CTNNA3: variants seen among roughly 807,000 people sequenced by gnomAD.
CTNNA3 encodes the protein catenin alpha-3.
Under a neutral mutation model 95.7 loss-of-function variants are expected in CTNNA3, and 76 were observed. The observed-to-expected ratio is 0.79, with a 90% confidence interval of 0.66 to 0.96. The LOEUF (loss-of-function observed/expected upper bound fraction) is 0.96, where lower values mean the gene tolerates loss of function less well. CTNNA3 is among the 40% of genes least tolerant of loss of function. CTNNA3 has a pLI of 0.00. For missense variants in CTNNA3, 1,191 were observed against 1,089.8 expected, an observed-to-expected ratio of 1.09 and a Z score of -1.31; for synonymous variants, 431 against 374.4, an observed-to-expected ratio of 1.15 and a Z score of -1.74.
intron 7 of CTNNA3, among the ~76,000 whole-genome samples, chr10:66,978,552 A>AAATAAAAAAAAAATATATATATAT: frequency 1.1e-4 from 4 of 37,868 alleles, no homozygotes; most frequent in Admixed American, 4.9e-4. Flanking sequence ...AAAAAAAAAA[A>AAATAAAAAAAAAATATATATATAT]ATATATATAT....
intron 15 of CTNNA3, among the ~76,000 whole-genome samples, chr10:66,020,358 G>A (rs1751237066): frequency 6.6e-6 from 1 of 152,098 alleles, no homozygotes; most frequent in Admixed American, 6.5e-5. Context: ...TTGCACTCTG[G>A]GAAAAGACTG....
chr10:67,034,062 G>A lies in CTNNA3; in HGVS notation c.1047+146255C>T, dbSNP rs1010681140. 1.9e-4 allele frequency among the ~76,000 whole-genome samples: 29 copies of A among 152,194 alleles called. No homozygotes were observed. The Middle Eastern group carries it at 0.01, about 54-fold the overall frequency. On this transcript the variant is annotated intron_variant, in intron 7 of 17. Coordinates refer to ENST00000433211, the MANE Select transcript of CTNNA3 (RefSeq NM_013266.4). ...GCTGAGACTACAGGCGTGAGCCACC[G>A]CGCCCGGCCTATACTGCTTCTTAAA... is the stretch of plus-strand genomic sequence containing the variant.
At chr10:67,039,744 A>G (rs1854280850) in intron 7 of CTNNA3, among the ~76,000 whole-genome samples, 1 of 152,136 alleles carries the variant, frequency 6.6e-6, no homozygotes, top group Non-Finnish European at 1.5e-5. Context: ...AAATCGAAAC[A>G]AGCAAGTAGA....
intron 5 of CTNNA3, among the ~76,000 whole-genome samples, chr10:67,298,404 T>G (rs1177822542): frequency 6.6e-6 from 1 of 152,254 alleles, no homozygotes; most frequent in East Asian, 1.9e-4. Flanking sequence ...TAGAATAACC[T>G]GCTTTAGTGT....
At chr10:67,442,160 T>C (rs1846544404) in intron 5 of CTNNA3, among the ~76,000 whole-genome samples, 1 of 152,022 alleles carries the variant, frequency 6.6e-6, no homozygotes. Context: ...CAGTGTAAAA[T>C]AACGGGTTAT....
chr10:66,434,785 C>T (rs1021018017), intron 11 of CTNNA3, among the ~76,000 whole-genome samples: 11 of 152,158 alleles, frequency 7.2e-5, no homozygotes, highest in African/African-American at 2.4e-4. Context: ...GTGAGTTTGT[C>T]ATATATAGCT....
At chr10:66,782,581 T>C (rs1010811274) in intron 7 of CTNNA3, among the ~76,000 whole-genome samples, 2 of 152,198 alleles carry the variant, frequency 1.3e-5, no homozygotes, top group South Asian at 2.1e-4. Context: ...ACTTTTGTTA[T>C]CTTTTATTTA....
chr10:66,222,614 AAGAAAGAAAAAG>A, intron 13 of CTNNA3, among the ~76,000 whole-genome samples: 2 of 68,568 alleles, frequency 2.9e-5, no homozygotes, highest in Admixed American at 1.4e-4. Context: ...GAAAGAAAGA[AAGAAAGAAAAAG>A]AAAGAAAGAA....
chr10:66,793,914 TGGTTTTCTC>T (rs1841084094), intron 7 of CTNNA3, among the ~76,000 whole-genome samples: 1 of 152,172 alleles, frequency 6.6e-6, no homozygotes, highest in Non-Finnish European at 1.5e-5. Flanking sequence ...TATATCAGCT[TGGTTTTCTC>T]ATTAGCTATT....
At chr10:67,524,689 A>G (rs968697828) in intron 4 of CTNNA3, among the ~76,000 whole-genome samples, 1 of 152,182 alleles carries the variant, frequency 6.6e-6, no homozygotes, top group African/African-American at 2.4e-5. Flanking sequence ...ACAATAATTA[A>G]TTGTCAAGGA....
At chr10:67,146,273 T>C (rs555506562) in intron 7 of CTNNA3, among the ~76,000 whole-genome samples, 4 of 152,342 alleles carry the variant, frequency 2.6e-5, no homozygotes, top group Admixed American at 1.3e-4. Flanking sequence ...TTTAAGAACA[T>C]ATCCATAGTT....
intron 3 of CTNNA3, among the ~76,000 whole-genome samples, chr10:67,588,977 T>C (rs1309068146): frequency 1.3e-5 from 2 of 152,052 alleles, no homozygotes; most frequent in African/African-American, 4.8e-5. Context: ...AGGGCAAGCC[T>C]TATCTATCTA....
chr10:66,214,106 G>A (rs1291075624), intron 13 of CTNNA3, among the ~76,000 whole-genome samples: 2 of 152,150 alleles, frequency 1.3e-5, no homozygotes, highest in African/African-American at 2.4e-5. Context: ...TTCAGCAGAG[G>A]CTCCATTGCC....
chr10:66,843,245 G>A (rs79291643), intron 7 of CTNNA3, among the ~76,000 whole-genome samples: 5,634 of 152,142 alleles, frequency 0.037, 356 homozygotes, highest in African/African-American at 0.13. Context: ...ACGGGCTCAC[G>A]ATCACAGGGG....
At chr10:67,742,747 A>G (rs1017315149) in intron 1 of CTNNA3, among the ~76,000 whole-genome samples, 2 of 151,162 alleles carry the variant, frequency 1.3e-5, no homozygotes, top group Non-Finnish European at 3.0e-5. Context: ...AAATTGATAG[A>G]CCGCTAGCAA....
intron 13 of CTNNA3, among the ~76,000 whole-genome samples, chr10:66,176,045 A>G (rs1477480077): frequency 5.8e-4 from 88 of 152,106 alleles, no homozygotes. Flanking sequence ...TATTTTCTGT[A>G]TTTCAGGAAA....
intron 15 of CTNNA3, among the ~76,000 whole-genome samples, chr10:65,989,354 T>A (rs1427624802): frequency 6.6e-6 from 1 of 152,176 alleles, no homozygotes; most frequent in Non-Finnish European, 1.5e-5. Context: ...GCAGAGAAGA[T>A]GAAGACCTTT....
At chr10:67,116,692 C>T (rs1859205511) in intron 7 of CTNNA3, among the ~76,000 whole-genome samples, 1 of 148,254 alleles carries the variant, frequency 6.7e-6, no homozygotes, top group Non-Finnish European at 1.5e-5. Flanking sequence ...AGGATCGTAG[C>T]ACCTAACCAT....
At chr10:67,319,595 A>G (rs1349453826) in intron 5 of CTNNA3, among the ~76,000 whole-genome samples, 1 of 152,096 alleles carries the variant, frequency 6.6e-6, no homozygotes, top group Non-Finnish European at 1.5e-5. Context: ...TAATTTGAAG[A>G]TTCAAAATTC....
Sources: allele counts gnomAD v4.1 joint callset (sites outside exome capture counted in the v4.1 genomes callset), GRCh38; gene constraint gnomAD v4.1.1; transcripts MANE v1.5; gene names NCBI Gene and HGNC (gene_info 2026-07-23, HGNC 2026-07-21).